PALS1: variants seen among roughly 807,000 people sequenced by gnomAD.
PALS1 encodes protein associated with LIN7 1, MAGUK p55 family member.
Under a neutral mutation model 78.9 loss-of-function variants are expected in PALS1, and 31 were observed. The ratio of observed to expected loss-of-function variants is 0.39; its 90% confidence interval spans 0.30 to 0.53. PALS1 has a LOEUF of 0.53. Ranked by LOEUF, PALS1 falls within the 20% of genes least tolerant of loss-of-function variation. PALS1 has a pLI of 0.67. For synonymous variants in PALS1, 276 were observed against 270.9 expected, an observed-to-expected ratio of 1.02 and a Z score of -0.18; for missense variants, 704 against 826.5, an observed-to-expected ratio of 0.85 and a Z score of 1.82.
At position 67,246,049 on chromosome 14, in the gene PALS1, T is replaced by C. The variant is rs553505949; in HGVS notation, c.-237+4516T>C. Among the ~76,000 whole-genome samples, 97 of 152,212 alleles carry C rather than the reference T, an allele frequency of 6.4e-4. 1 individual carries two copies. The Middle Eastern group carries it at 0.014, about 21-fold the overall frequency. ...TTCCTCTTGTCTCTTTGTCAAAAGC[T>C]ATTTGACTGCATTTGTTTGGGTTTG... is the stretch of plus-strand genomic sequence containing the variant. On this transcript the variant is annotated intron_variant, in intron 1 of 14. Coordinates refer to ENST00000261681, the MANE Select transcript of PALS1 (RefSeq NM_022474.4).
At position 67,334,449 on chromosome 14, in the gene PALS1, G is replaced by A. The variant is rs541095242; in HGVS notation, c.*1493G>A. On this transcript the variant is annotated 3_prime_UTR_variant, in exon 15 of 15. Transcript: ENST00000261681. ...TTTCCTATACCCAGAGCTAAACACT[G>A]GAATAATACTGACATCATTTAATTT... 53 of 152,516 alleles carry A rather than the reference G, an allele frequency of 3.5e-4. No individual in the cohort carries two copies. The highest frequency in any genetic ancestry group is 8.5e-4 in the Admixed American group (13 of 15,272). The allele number at this position is 152,516 out of a possible 1,614,324, so 9.4% of individuals were successfully genotyped here.
At chr14:67,317,567 C>G in intron 11 of PALS1, 88 bp downstream of exon 11, 1 of 807,476 alleles carries the variant, frequency 1.2e-6, no homozygotes, top group East Asian at 2.9e-5. Context: ...TAAATATGTG[C>G]TTGAGAAAAT....
intron 1 of PALS1, among the ~76,000 whole-genome samples, chr14:67,247,799 A>G (rs1274317): frequency 1 from 152,178 of 152,206 alleles, 76,075 homozygotes; most frequent in Middle Eastern, 1. Context: ...GGCTGGTCTC[A>G]AATTCCTGGG....
intron 4 of PALS1, among the ~76,000 whole-genome samples, chr14:67,298,915 G>A (rs912709988): frequency 6.6e-6 from 1 of 152,146 alleles, no homozygotes; most frequent in African/African-American, 2.4e-5. Context: ...TCATATAAAT[G>A]TAATAAGACA....
At chr14:67,290,320 A>G (rs567864210) in intron 3 of PALS1, among the ~76,000 whole-genome samples, 105 of 152,282 alleles carry the variant, frequency 6.9e-4, no homozygotes, top group Non-Finnish European at 1.1e-3. Context: ...ATGCTACTCT[A>G]ACAAAACAGT....
intron 14 of PALS1, among the ~76,000 whole-genome samples, chr14:67,329,551 G>C (rs1160000831): frequency 6.6e-6 from 1 of 152,138 alleles, no homozygotes; most frequent in Non-Finnish European, 1.5e-5. Flanking sequence ...TCCCTGTCTT[G>C]CGCCAGTTTT....
intron 1 of PALS1, among the ~76,000 whole-genome samples, chr14:67,263,192 C>G (rs2084265173): frequency 6.6e-6 from 1 of 151,492 alleles, no homozygotes; most frequent in Non-Finnish European, 1.5e-5. Flanking sequence ...ACACTTTTTA[C>G]TTCAGGAAAT....
intron 3 of PALS1, among the ~76,000 whole-genome samples, chr14:67,286,045 A>G (rs1384109315): frequency 6.6e-6 from 1 of 152,218 alleles, no homozygotes. Context: ...AAATCAGGTA[A>G]GAGGAAATAG....
At chr14:67,312,494 T>A in intron 8 of PALS1, 33 bp from the exon 9 acceptor site, 1 of 1,390,350 alleles carries the variant, frequency 7.2e-7, no homozygotes, top group Non-Finnish European at 9.7e-7. Context: ...TATATTGCCA[T>A]TTATTGTTGT....
intron 1 of PALS1, among the ~76,000 whole-genome samples, chr14:67,250,357 C>A (rs1376947489): frequency 6.6e-6 from 1 of 152,090 alleles, no homozygotes; most frequent in Non-Finnish European, 1.5e-5. Flanking sequence ...CTCAGAAGTA[C>A]TAGACACTCA....
At chr14:67,284,121 A>T (rs1050538393) in intron 3 of PALS1, among the ~76,000 whole-genome samples, 1 of 152,176 alleles carries the variant, frequency 6.6e-6, no homozygotes, top group Non-Finnish European at 1.5e-5. Context: ...GTTTGAATGA[A>T]ATTTAATTTT....
At chr14:67,307,909 A>T (rs1005469258) in intron 8 of PALS1, among the ~76,000 whole-genome samples, 3 of 152,190 alleles carry the variant, frequency 2.0e-5, no homozygotes, top group Admixed American at 6.5e-5. Flanking sequence ...GCCATAAAAA[A>T]ATGAGATCAT....
rs2084381031 is a variant in PALS1 at position 67,269,651 on chromosome 14, C to T, written c.-236-50C>T. The T allele has an allele frequency of 3.9e-5, 6 of 152,714 alleles. No homozygotes were observed. In the South Asian group the frequency reaches 1.2e-3, roughly 32 times the overall value. The allele number at this position is 152,714 out of a possible 1,614,324, so 9.5% of individuals were successfully genotyped here. On this transcript the variant is annotated intron_variant, in intron 1 of 14. Transcript: ENST00000261681. Reference sequence around the variant, plus strand: ...TCTCTTCCTCCTTTACCCCCCAAAACACTGCAGACATGTACATTTGATCAA... The same window carrying T: ...TCTCTTCCTCCTTTACCCCCCAAAATACTGCAGACATGTACATTTGATCAA...
chr14:67,258,739 C>T (rs2084184034), intron 1 of PALS1, among the ~76,000 whole-genome samples: 1 of 151,574 alleles, frequency 6.6e-6, no homozygotes, highest in Non-Finnish European at 1.5e-5. Context: ...TGCCTTGATA[C>T]TGTTAACTCC....
At chr14:67,294,413 A>G (rs1304898557) in intron 4 of PALS1, 1 of 152,134 alleles carries the variant, frequency 6.6e-6, no homozygotes, top group Non-Finnish European at 1.5e-5. Flanking sequence ...GGAAAAAAAT[A>G]TCAGCAATCA....
chr14:67,274,144 A>G (rs1459833738), intron 2 of PALS1, among the ~76,000 whole-genome samples: 5 of 152,044 alleles, frequency 3.3e-5, no homozygotes, highest in African/African-American at 7.2e-5. Context: ...CCATTTGTCA[A>G]TTTTGGGTTT....
intron 4 of PALS1, 70 bp from the exon 5 acceptor site, chr14:67,301,319 G>T: frequency 1.3e-6 from 1 of 782,774 alleles, no homozygotes; most frequent in South Asian, 2.5e-5. Context: ...TAAAAAATAT[G>T]ACCCTGCATA....
intron 4 of PALS1, among the ~76,000 whole-genome samples, chr14:67,300,631 T>G (rs146127054): frequency 1.3e-5 from 2 of 151,884 alleles, no homozygotes; most frequent in East Asian, 3.9e-4. Context: ...TCTGGCCTGT[T>G]TTAAGATTTT....
chr14:67,278,480 ACT>A (rs2084545442), intron 2 of PALS1, among the ~76,000 whole-genome samples: 1 of 151,442 alleles, frequency 6.6e-6, no homozygotes, highest in Non-Finnish European at 1.5e-5. Context: ...CATCTCAAAA[ACT>A]CTTAAAGATG....
Sources: gnomAD v4.1 joint callset for allele counts (sites outside exome capture counted in the v4.1 genomes callset) on GRCh38, gnomAD v4.1.1 for gene constraint, MANE v1.5 for transcripts, NCBI Gene and HGNC (gene_info 2026-07-23, HGNC 2026-07-21) for gene names.